Variants in THAP11 observed in about 807,000 individuals in gnomAD.
THAP11 encodes THAP domain containing 11.
Under a neutral mutation model 24.1 loss-of-function variants are expected in THAP11, and 8 were observed. The observed-to-expected ratio is 0.33, with a 90% CI of 0.20 to 0.60. The LOEUF (loss-of-function observed/expected upper bound fraction) is 0.60, where lower values mean the gene tolerates loss of function less well. THAP11 is among the 20% of genes least tolerant of loss of function. The pLI, the probability that THAP11 is intolerant of heterozygous loss-of-function variation, is 0.82. For missense variants in THAP11, 276 were observed against 418.4 expected (o/e 0.66, Z 2.97); for synonymous variants, 222 against 180.2 (o/e 1.23, Z -1.86).
Position 67,842,849 on chromosome 16 carries a change from G to GCCGC in THAP11, c.301_304dup (p.Arg102ProfsTer139). The GCCGC allele has an allele frequency of 6.2e-7, 1 of 1,603,990 alleles. No homozygotes were observed. The highest frequency in any genetic ancestry group is 8.5e-7 in the Non-Finnish European group (1 of 1,178,374). On this transcript the variant is annotated frameshift_variant, in exon 1 of 1. Coordinates refer to ENST00000303596, the MANE Select transcript of THAP11 (RefSeq NM_020457.3). LOFTEE classifies it high-confidence loss of function. The surrounding 1 kb of genome is among the most constrained non-coding windows in gnomAD (Gnocchi z 4.9). Reference sequence around the variant, plus strand: ...AGCGCGCAGACCCGCTGGGGCCGCGGCCGCCCGCCGCAGGCAGCAGCAGCA... The same window carrying GCCGC: ...AGCGCGCAGACCCGCTGGGGCCGCGGCCGCCCGCCCGCCGCAGGCAGCAGCAGCA...
In THAP11 at chr16:67,842,884, G is replaced by GCAGCAGCAACAGCAGCAA. The variant is rs746671619; in HGVS notation, c.339_356dup (p.Gln127_Gln132dup). ...GCAGGCAGCAGCAGCAACAGCAGCA[G>GCAGCAGCAACAGCAGCAA]CAGCAGCAACAGCAGCAACAGCAGC... On this transcript the variant is annotated inframe_insertion, in exon 1 of 1. Transcript: ENST00000303596. This position sits in a 1 kb window ranked among gnomAD's most constrained non-coding sequence, Gnocchi z 4.9. 2.2e-5 allele frequency: 35 copies of GCAGCAGCAACAGCAGCAA among 1,602,340 alleles called. No homozygotes were observed. Among genetic ancestry groups the GCAGCAGCAACAGCAGCAA allele is most frequent in the Non-Finnish European group, 2.6e-5 (31 of 1,174,180 alleles).
chr16:67,842,881 G>A lies in THAP11; in HGVS notation c.327G>A (p.Gln109=), dbSNP rs1191465639. The A allele has an allele frequency of 6.2e-7, 1 of 1,604,022 alleles. No homozygotes were observed. Among genetic ancestry groups the A allele is most frequent in the South Asian group, 1.1e-5 (1 of 89,640 alleles). Residue 109 remains glutamine (Q), a synonymous_variant, in exon 1 of 1, where the codon CAG becomes CAA. Transcript: ENST00000303596. This position sits in a 1 kb window ranked among gnomAD's most constrained non-coding sequence, Gnocchi z 4.9. ...GCCGCAGGCAGCAGCAGCAACAGCA[G>A]CAGCAGCAGCAACAGCAGCAACAGC... ...AARRRQQQQQ[Q]QQQQQQQQQQ... is the part of the protein sequence containing the mutation.
At position 67,842,734 on chromosome 16, in the gene THAP11, C is replaced by A. The variant is rs941518976; in HGVS notation, c.180C>A (p.Leu60=). Residue 60 remains leucine, a synonymous_variant, in exon 1 of 1, where the codon CTC becomes CTA. Transcript: ENST00000303596. This position sits in a 1 kb window ranked among gnomAD's most constrained non-coding sequence, Gnocchi z 4.9. ...TCCAGCCCACCACAGGCCACCGTCTCTGCAGCGTTCACTTCCAGGGCGGCC... is the reference window on the plus strand; with the variant it reads ...TCCAGCCCACCACAGGCCACCGTCTATGCAGCGTTCACTTCCAGGGCGGCC... ...STFQPTTGHR[L]CSVHFQGGRK... is the part of the protein sequence containing the mutation. The A allele has an allele frequency of 6.2e-7, 1 of 1,608,326 alleles. No homozygotes were observed. The highest frequency in any genetic ancestry group is 8.5e-7 in the Non-Finnish European group (1 of 1,177,496).
rs1378613103 is a variant in THAP11, at chr16:67,842,938, G to A, written c.384G>A (p.Gln128=). The change falls in exon 1 of 1, where the codon CAG becomes CAA. Residue 128 remains glutamine (Q), a synonymous_variant. Transcript: ENST00000303596. The surrounding 1 kb of genome is among the most constrained non-coding windows in gnomAD (Gnocchi z 4.9). ...AGCAGCAACAGCAGCAGCAGCAGCA[G>A]CAGCAGCAGCAGTCCTCACCCTCTG... ...QQQQQQQQQQ[Q]QQQQSSPSAS... is the part of the protein sequence containing the mutation. 21 of 1,607,648 alleles carry A rather than the reference G, an allele frequency of 1.3e-5. No homozygotes were observed. Among genetic ancestry groups the A allele is most frequent in the Non-Finnish European group, 1.8e-5 (21 of 1,177,746 alleles).
Position 67,842,710 on chromosome 16 carries a change from C to T in THAP11, c.156C>T (p.Phe52=), listed in dbSNP as rs907776024. 3.0e-5 allele frequency: 48 copies of T among 1,603,066 alleles called. No homozygotes were observed. Among genetic ancestry groups the T allele is most frequent in the Non-Finnish European group, 3.9e-5 (46 of 1,174,918 alleles). The change falls in exon 1 of 1, where the codon TTC becomes TTT. Residue 52 remains phenylalanine (F), a synonymous_variant. Transcript: ENST00000303596. This position sits in a 1 kb window ranked among gnomAD's most constrained non-coding sequence, Gnocchi z 4.9. Reference sequence around the variant, plus strand: ...GCGTCAGTGGGTGCTTCTCCACCTTCCAGCCCACCACAGGCCACCGTCTCT... The same window carrying T: ...GCGTCAGTGGGTGCTTCTCCACCTTTCAGCCCACCACAGGCCACCGTCTCT... ...RAGVSGCFST[F]QPTTGHRLCS... is the part of the protein sequence containing the mutation.
rs956571478 is a variant in THAP11 at position 67,842,549 on chromosome 16, G to T, written c.-6G>T. On this transcript the variant is annotated 5_prime_UTR_variant, in exon 1 of 1. Transcript: ENST00000303596. The surrounding 1 kb of genome is among the most constrained non-coding windows in gnomAD (Gnocchi z 4.9). Reference sequence around the variant, plus strand: ...GGTGGGCCGGGCCGGGCCGCGCGGCGCAGCCATGCCTGGCTTTACGTGCTG... The same window carrying T: ...GGTGGGCCGGGCCGGGCCGCGCGGCTCAGCCATGCCTGGCTTTACGTGCTG... The T allele has an allele frequency of 7.1e-5, 107 of 1,510,508 alleles. No individual in the cohort carries two copies. Among genetic ancestry groups the T allele is most frequent in the Non-Finnish European group, 9.0e-5 (101 of 1,124,988 alleles). The allele number at this position is 1,510,508 out of a possible 1,614,324, so 93.6% of individuals were successfully genotyped here.
At position 67,842,935 on chromosome 16, in the gene THAP11, G is replaced by GCAA. The variant is rs1555494468; in HGVS notation, c.383_384insACA (p.Gln132dup). 4.4e-6 allele frequency: 7 copies of GCAA among 1,607,156 alleles called. No homozygotes were observed. The South Asian group carries it at 4.4e-5, about 10-fold the overall frequency. On this transcript the variant is annotated inframe_insertion, in exon 1 of 1. Transcript: ENST00000303596. This position sits in a 1 kb window ranked among gnomAD's most constrained non-coding sequence, Gnocchi z 4.9. ...AGCAGCAGCAACAGCAGCAGCAGCAGCAGCAGCAGCAGCAGTCCTCACCCT... is the reference window on the plus strand; with the variant it reads ...AGCAGCAGCAACAGCAGCAGCAGCAGCAACAGCAGCAGCAGCAGTCCTCACCCT...
Position 67,842,944 on chromosome 16 carries a change from G to A in THAP11, c.390G>A (p.Gln130=), listed in dbSNP as rs2057774945. The A allele has an allele frequency of 6.2e-7, 1 of 1,610,558 alleles. No individual in the cohort carries two copies. The highest frequency in any genetic ancestry group is 8.5e-7 in the Non-Finnish European group (1 of 1,179,254). The change falls in exon 1 of 1, where the codon CAG becomes CAA. Residue 130 remains glutamine, a synonymous_variant. Transcript: ENST00000303596. The surrounding 1 kb of genome is among the most constrained non-coding windows in gnomAD (Gnocchi z 4.9). Reference sequence around the variant, plus strand: ...AACAGCAGCAGCAGCAGCAGCAGCAGCAGCAGTCCTCACCCTCTGCCTCCA... The same window carrying A: ...AACAGCAGCAGCAGCAGCAGCAGCAACAGCAGTCCTCACCCTCTGCCTCCA... The part of the protein sequence containing the change: ...QQQQQQQQQQ[Q]QQSSPSASTA...
At position 67,843,195 on chromosome 16, in the gene THAP11, C is replaced by G. The variant is rs748313428; in HGVS notation, c.641C>G (p.Ala214Gly). ...AAAAASELQA[A>G]TAGLEAAECP... is the part of the protein sequence containing the mutation. ...GCCGCCGCGTCGGAGTTACAGGCTGCTACCGCAGGGCTGGAGGCTGCCGAG... is the reference window on the plus strand; with the variant it reads ...GCCGCCGCGTCGGAGTTACAGGCTGGTACCGCAGGGCTGGAGGCTGCCGAG... Residue 214 changes from alanine to glycine, a missense_variant, in exon 1 of 1, where the codon GCT (alanine) becomes GGT (glycine). Around this residue, in one of 3 missense-constraint regions of THAP11, gnomAD observed 210 missense variants for 203.4 expected, o/e 1.03. Coordinates refer to ENST00000303596, the MANE Select transcript of THAP11 (RefSeq NM_020457.3). The surrounding 1 kb of genome is among the most constrained non-coding windows in gnomAD (Gnocchi z 5.7). The G allele has an allele frequency of 6.2e-7, 1 of 1,611,498 alleles. No homozygotes were observed. The highest frequency in any genetic ancestry group is 1.1e-5 in the South Asian group (1 of 91,080).
Position 67,842,848 on chromosome 16 carries a change from G to A in THAP11, c.294G>A (p.Ala98=). The change falls in exon 1 of 1, where the codon GCG becomes GCA. Residue 98 remains alanine, a synonymous_variant. Transcript: ENST00000303596. This position sits in a 1 kb window ranked among gnomAD's most constrained non-coding sequence, Gnocchi z 4.9. ...RKVARRPAGA[A]AARRRQQQQQ... ...TAGCGCGCAGACCCGCTGGGGCCGC[G>A]GCCGCCCGCCGCAGGCAGCAGCAGC... 1 of 1,605,310 alleles carries A rather than the reference G, an allele frequency of 6.2e-7. No homozygotes were observed. The highest frequency in any genetic ancestry group is 8.5e-7 in the Non-Finnish European group (1 of 1,178,658).
chr16:67,843,817 A>G lies in THAP11; in HGVS notation c.*318A>G, dbSNP rs947381775. The G allele has an allele frequency of 9.3e-6, 3 of 323,428 alleles. 1 individual carries two copies. Among genetic ancestry groups the G allele is most frequent in the Non-Finnish European group, 1.2e-5 (2 of 164,440 alleles). 20.0% of individuals were successfully genotyped at this position (323,428 alleles called of 1,614,324 possible). A position where few individuals can be genotyped will look rare whatever the true frequency, so the allele number is the denominator to read the frequency against. ...CTTACCCTCTAGGGATGCAGGTGGG[A>G]TGTCCAGGGACTATAGGTTTGGGAA... On this transcript the variant is annotated 3_prime_UTR_variant, in exon 1 of 1. Coordinates refer to ENST00000303596, the MANE Select transcript of THAP11 (RefSeq NM_020457.3). This position sits in a 1 kb window ranked among gnomAD's most constrained non-coding sequence, Gnocchi z 5.7.
Position 67,843,244 on chromosome 16 carries a change from G to C in THAP11, c.690G>C (p.Val230=), listed in dbSNP as rs779498338. 29 of 1,612,020 alleles carry C rather than the reference G, an allele frequency of 1.8e-5. No homozygotes were observed. In the Admixed American group the frequency reaches 4.8e-4, roughly 27 times the overall value. Residue 230 remains valine, a synonymous_variant, in exon 1 of 1, where the codon GTG becomes GTC. Coordinates refer to ENST00000303596, the MANE Select transcript of THAP11 (RefSeq NM_020457.3). This position sits in a 1 kb window ranked among gnomAD's most constrained non-coding sequence, Gnocchi z 5.7. ...AAECPMGPQL[V]VVGEEGFPDT... is the part of the protein sequence containing the mutation. ...AGTGCCCTATGGGCCCCCAGTTGGT[G>C]GTGGTAGGGGAAGAGGGCTTCCCTG... is the stretch of plus-strand genomic sequence containing the variant.
Position 67,844,111 on chromosome 16 carries a change from A to AT in THAP11, c.*614dup, listed in dbSNP as rs1371043898. 6.0e-6 allele frequency: 1 copy of AT among 166,970 alleles called. No homozygotes were observed. The highest frequency in any genetic ancestry group is 1.5e-5 in the Non-Finnish European group (1 of 68,126). The allele number at this position is 166,970 out of a possible 1,614,324, so 10.3% of individuals were successfully genotyped here. A position where few individuals can be genotyped will look rare whatever the true frequency, so the allele number is the denominator to read the frequency against. ...CTGTTTTGTTTGCTACTGGTTACAA[A>AT]TTCTATTTTCTGTACAATTAGTCAG... is the stretch of plus-strand genomic sequence containing the variant. On this transcript the variant is annotated 3_prime_UTR_variant, in exon 1 of 1. Transcript: ENST00000303596.
chr16:67,843,066 G>A lies in THAP11; in HGVS notation c.512G>A (p.Gly171Glu). The change falls in exon 1 of 1, where the codon GGA becomes GAA. Residue 171 changes from glycine (G) to glutamate (E), a missense_variant. This residue lies in a region of THAP11 where 210 missense variants were observed against 203.4 expected (regional missense o/e 1.03). Coordinates refer to ENST00000303596, the MANE Select transcript of THAP11 (RefSeq NM_020457.3). This position sits in a 1 kb window ranked among gnomAD's most constrained non-coding sequence, Gnocchi z 5.7. ...ACTGTAGACAGCAGTCAGGCTCCGG[G>A]ATCCGTACAGCCGGCGCCCATCACT... ...QATVDSSQAP[G>E]SVQPAPITPT... The A allele has an allele frequency of 1.2e-6, 2 of 1,611,818 alleles. No homozygotes were observed. Among genetic ancestry groups the A allele is most frequent in the Non-Finnish European group, 1.7e-6 (2 of 1,180,016 alleles).
rs751419810 is a variant in THAP11, at chr16:67,843,216, C to T, written c.662C>T (p.Ala221Val). 2 of 1,611,756 alleles carry T rather than the reference C, an allele frequency of 1.2e-6. No individual in the cohort carries two copies. The highest frequency in any genetic ancestry group is 3.3e-5 in the Admixed American group (2 of 59,978). Residue 221 changes from alanine to valine, a missense_variant, in exon 1 of 1, where the codon GCC becomes GTC. Physicochemically the swap from Ala to Val is moderately conservative, Grantham distance 64 (BLOSUM62 0). This residue lies in a region of THAP11 where 210 missense variants were observed against 203.4 expected (regional missense o/e 1.03). Coordinates refer to ENST00000303596, the MANE Select transcript of THAP11 (RefSeq NM_020457.3). The surrounding 1 kb of genome is among the most constrained non-coding windows in gnomAD (Gnocchi z 5.7). ...GCTGCTACCGCAGGGCTGGAGGCTG[C>T]CGAGTGCCCTATGGGCCCCCAGTTG... ...LQAATAGLEAAECPMGPQLVV... is the reference protein window; with the variant it reads ...LQAATAGLEAVECPMGPQLVV...
chr16:67,842,855 C>T lies in THAP11; in HGVS notation c.301C>T (p.Arg101Cys). ...ARRPAGAAAARRRQQQQQQQQ... is the reference protein window; with the variant it reads ...ARRPAGAAAACRRQQQQQQQQ... ...CAGACCCGCTGGGGCCGCGGCCGCC[C>T]GCCGCAGGCAGCAGCAGCAACAGCA... Residue 101 changes from arginine to cysteine, a missense_variant, in exon 1 of 1, where the codon CGC becomes TGC. Transcript: ENST00000303596. The surrounding 1 kb of genome is among the most constrained non-coding windows in gnomAD (Gnocchi z 4.9). 6.2e-7 allele frequency: 1 copy of T among 1,611,072 alleles called. No homozygotes were observed. The highest frequency in any genetic ancestry group is 8.5e-7 in the Non-Finnish European group (1 of 1,179,490).
Position 67,842,950 on chromosome 16 carries a change from G to T in THAP11, c.396G>T (p.Gln132His). 6.2e-7 allele frequency: 1 copy of T among 1,609,456 alleles called. No individual in the cohort carries two copies. ...QQQQQQQQQQQSSPSASTAQT... is the reference protein window; with the variant it reads ...QQQQQQQQQQHSSPSASTAQT... ...AGCAGCAGCAGCAGCAGCAGCAGCA[G>T]TCCTCACCCTCTGCCTCCACTGCCC... Residue 132 changes from glutamine (Q) to histidine (H), a missense_variant, in exon 1 of 1, where the codon CAG (glutamine) becomes CAT (histidine). Gln to His is a conservative substitution (Grantham distance 24). This residue lies in a region of THAP11 where 210 missense variants were observed against 203.4 expected (regional missense o/e 1.03). Transcript: ENST00000303596. The surrounding 1 kb of genome is among the most constrained non-coding windows in gnomAD (Gnocchi z 4.9).
In THAP11 at chr16:67,843,190, G is replaced by C; in HGVS notation, c.636G>C (p.Gln212His). The part of the protein sequence containing the change: ...AAAAAAASEL[Q>H]AATAGLEAAE... ...CTGCGGCCGCCGCGTCGGAGTTACA[G>C]GCTGCTACCGCAGGGCTGGAGGCTG... is the stretch of plus-strand genomic sequence containing the variant. The change falls in exon 1 of 1, where the codon CAG becomes CAC. Residue 212 changes from glutamine to histidine, a missense_variant. This residue lies in a region of THAP11 where 210 missense variants were observed against 203.4 expected (regional missense o/e 1.03). Coordinates refer to ENST00000303596, the MANE Select transcript of THAP11 (RefSeq NM_020457.3). The surrounding 1 kb of genome is among the most constrained non-coding windows in gnomAD (Gnocchi z 5.7). The C allele has an allele frequency of 6.2e-7, 1 of 1,611,426 alleles. No individual in the cohort carries two copies. Among genetic ancestry groups the C allele is most frequent in the Non-Finnish European group, 8.5e-7 (1 of 1,179,704 alleles).
Position 67,843,136 on chromosome 16 carries a change from G to A in THAP11, c.582G>A (p.Val194=), listed in dbSNP as rs751188707. 2.0e-5 allele frequency: 33 copies of A among 1,609,954 alleles called. No individual in the cohort carries two copies. Among genetic ancestry groups the A allele is most frequent in the Non-Finnish European group, 2.5e-5 (29 of 1,179,640 alleles). ...AGCCCATCGATCTCACAGTGCAAGT[G>A]GAGTTTGCAGCCGCAGAGGGCGCAG... ...DVKPIDLTVQ[V]EFAAAEGAAA... is the part of the protein sequence containing the mutation. Residue 194 remains valine, a synonymous_variant, in exon 1 of 1, where the codon GTG becomes GTA. Transcript: ENST00000303596. This position sits in a 1 kb window ranked among gnomAD's most constrained non-coding sequence, Gnocchi z 5.7.
Sources: gnomAD v4.1 joint callset for allele counts on GRCh38, gnomAD v4.1.1 for gene constraint, gnomAD v4.1.1 regional missense constraint, Gnocchi (gnomAD v3.1) non-coding constraint, MANE v1.5 for transcripts, NCBI Gene and HGNC (gene_info 2026-07-23, HGNC 2026-07-21) for gene names.